Variants in PTPRT observed in about 807,000 individuals in gnomAD.
The protein encoded by PTPRT is protein tyrosine phosphatase receptor type T.
Under a neutral mutation model 176.8 loss-of-function variants are expected in PTPRT, and 56 were observed. The ratio of observed to expected loss-of-function variants is 0.32; its 90% CI spans 0.26 to 0.40. PTPRT has a LOEUF of 0.40. Ranked by LOEUF, PTPRT falls within the 10% of genes least tolerant of loss-of-function variation. The probability of loss-of-function intolerance (pLI) is 1.00; values close to 1 mark genes in which losing one functional copy is unlikely to be tolerated. For missense variants in PTPRT, 1,540 were observed against 1,908.2 expected (o/e 0.81, Z 3.60); for synonymous variants, 783 against 739.0 (o/e 1.06, Z -0.96).
intron 1 of PTPRT, among the ~76,000 whole-genome samples, chr20:42,903,173 G>A (rs1026082833): frequency 1.3e-5 from 2 of 152,202 alleles, no homozygotes; most frequent in African/African-American, 4.8e-5. Flanking sequence ...TAGGCATCAG[G>A]CCAGACATTC....
At position 43,166,533 on chromosome 20, in the gene PTPRT, T is replaced by A. The variant is rs925378460; in HGVS notation, c.88+23113A>T. Among the ~76,000 whole-genome samples the A allele has an allele frequency of 3.9e-5, 6 of 152,350 alleles. No individual in the cohort carries two copies. In the South Asian group the frequency reaches 1.0e-3, roughly 26 times the overall value. ...TGTGTGTTCTTTCATTTTATTTTCCTTTCACAAGTGAAGTCATCTGACCAG... is the reference window on the plus strand; with the variant it reads ...TGTGTGTTCTTTCATTTTATTTTCCATTCACAAGTGAAGTCATCTGACCAG... On this transcript the variant is annotated intron_variant, in intron 1 of 30. Transcript: ENST00000373187.
At chr20:43,181,486 G>A (rs369809867) in intron 1 of PTPRT, among the ~76,000 whole-genome samples, 13 of 152,128 alleles carry the variant, frequency 8.5e-5, no homozygotes, top group African/African-American at 2.9e-4. Context: ...ATTCCAAGAT[G>A]CTAAAGAAAA....
At chr20:42,397,088 C>T (rs115996938) in intron 9 of PTPRT, among the ~76,000 whole-genome samples, 2,969 of 152,256 alleles carry the variant, frequency 0.02, 110 homozygotes, top group African/African-American at 0.068. Context: ...ATCTGTCGCA[C>T]TCAACTAGAA....
At chr20:42,624,030 A>AC (rs1238187509) in intron 7 of PTPRT, among the ~76,000 whole-genome samples, 5 of 145,762 alleles carry the variant, frequency 3.4e-5, no homozygotes, top group African/African-American at 1.3e-4. Flanking sequence ...CAAACAAAAA[A>AC]AAAAAACCCT....
chr20:42,046,677 G>A, the PTPRT span, among the ~76,000 whole-genome samples: 1 of 152,190 alleles, frequency 6.6e-6, no homozygotes, highest in East Asian at 1.9e-4. Flanking sequence ...CCAGTGCAGA[G>A]TCTGTAATTA....
chr20:42,971,431 G>C (rs1982629754), intron 1 of PTPRT: 1 of 152,114 alleles, frequency 6.6e-6, no homozygotes, highest in South Asian at 2.1e-4. Flanking sequence ...TCTCTCCCCT[G>C]TTTAAAATCC....
the PTPRT span, among the ~76,000 whole-genome samples, chr20:42,040,842 G>C: frequency 2.8e-4 from 43 of 152,324 alleles, no homozygotes; most frequent in Admixed American, 2.2e-3. Flanking sequence ...TGTGCCTTCA[G>C]GGGGTGTTAT....
At chr20:42,919,136 C>A (rs1444485384) in intron 1 of PTPRT, among the ~76,000 whole-genome samples, 2 of 152,120 alleles carry the variant, frequency 1.3e-5, no homozygotes, top group East Asian at 3.9e-4. Flanking sequence ...CTGTAGGCAC[C>A]AGGGACACCC....
At chr20:43,028,042 GT>G (rs1298387599) in intron 1 of PTPRT, among the ~76,000 whole-genome samples, 3 of 152,144 alleles carry the variant, frequency 2.0e-5, no homozygotes, top group African/African-American at 7.2e-5. Context: ...CCGAAGTAAG[GT>G]CTTTGTTTTT....
At chr20:42,450,087 T>A (rs35578581) in intron 8 of PTPRT, among the ~76,000 whole-genome samples, 2 of 152,170 alleles carry the variant, frequency 1.3e-5, no homozygotes, top group Admixed American at 6.5e-5. Flanking sequence ...TTTTAATGGC[T>A]GCTTAGAGGG....
intron 2 of PTPRT, among the ~76,000 whole-genome samples, chr20:42,855,855 C>T (rs2078554453): frequency 6.6e-6 from 1 of 152,072 alleles, no homozygotes; most frequent in African/African-American, 2.4e-5. Context: ...GTGAATATTC[C>T]ACTTGGAGCT....
At chr20:42,610,189 G>GA (rs776411097) in intron 7 of PTPRT, among the ~76,000 whole-genome samples, 1 of 151,986 alleles carries the variant, frequency 6.6e-6, no homozygotes, top group African/African-American at 2.4e-5. Flanking sequence ...GAAATGGGGG[G>GA]AAAAAAACCT....
At chr20:43,170,458 A>C (rs2014968646) in intron 1 of PTPRT, among the ~76,000 whole-genome samples, 1 of 152,206 alleles carries the variant, frequency 6.6e-6, no homozygotes, top group Admixed American at 6.5e-5. Context: ...GATGGCGATG[A>C]AAAGATCTCC....
intron 7 of PTPRT, among the ~76,000 whole-genome samples, chr20:42,592,317 G>A (rs538713171): frequency 2.6e-5 from 4 of 152,244 alleles, no homozygotes; most frequent in East Asian, 1.9e-4. Flanking sequence ...GCCAGGCGCC[G>A]ACTGGATAAA....
chr20:42,146,189 G>T (rs1422600965), intron 17 of PTPRT, among the ~76,000 whole-genome samples: 1 of 152,058 alleles, frequency 6.6e-6, no homozygotes, highest in Non-Finnish European at 1.5e-5. Flanking sequence ...CAACTTGCCA[G>T]GTCTGTTCTC....
intron 7 of PTPRT, among the ~76,000 whole-genome samples, chr20:42,587,754 CCTG>C (rs2073496201): frequency 1.3e-5 from 2 of 151,966 alleles, no homozygotes; most frequent in Non-Finnish European, 2.9e-5. Context: ...CTGTGTGAGC[CCTG>C]CCTCGGCTCT....
intron 1 of PTPRT, among the ~76,000 whole-genome samples, chr20:42,991,857 C>T (rs1002251554): frequency 1.3e-5 from 2 of 152,150 alleles, no homozygotes; most frequent in Admixed American, 6.5e-5. Context: ...GAAAGTCCCA[C>T]GGGATAAATT....
intron 7 of PTPRT, among the ~76,000 whole-genome samples, chr20:42,640,679 C>T (rs1158236150): frequency 6.6e-6 from 1 of 152,084 alleles, no homozygotes; most frequent in Admixed American, 6.6e-5. Flanking sequence ...CGAGAATCTT[C>T]TCTAATCAAC....
rs149039255 is a variant in PTPRT, at chr20:42,769,335, G to T, written c.684+2100C>A. The stretch of plus-strand genomic sequence containing the variant: ...ACAACATGAACTTCCAAGAAAGTGT[G>T]TGGAGAGACAGCTAGGCAAAGGAAC... On this transcript the variant is annotated intron_variant, in intron 5 of 30. Coordinates refer to ENST00000373187, the MANE Select transcript of PTPRT (RefSeq NM_007050.6). Among the ~76,000 whole-genome samples, 1,172 of 152,290 alleles carry T rather than the reference G, an allele frequency of 7.7e-3. 14 individuals are homozygous for T. Among genetic ancestry groups the T allele is most frequent in the African/African-American group, 0.026 (1,064 of 41,562 alleles).
Sources: allele counts gnomAD v4.1 joint callset (sites outside exome capture counted in the v4.1 genomes callset), GRCh38; gene constraint gnomAD v4.1.1; transcripts MANE v1.5; gene names NCBI Gene and HGNC (gene_info 2026-07-23, HGNC 2026-07-21).